DARS1: variants seen among roughly 807,000 people sequenced by gnomAD.
DARS1 encodes aspartate--tRNA ligase, cytoplasmic.
A neutral mutation model predicts 68.8 loss-of-function variants in DARS1; 51 were observed. The observed-to-expected ratio is 0.74, with a 90% CI of 0.59 to 0.94. The LOEUF is 0.94. Ranked by LOEUF, DARS1 falls within the 40% of genes least tolerant of loss-of-function variation. The pLI is 0.00. For synonymous variants in DARS1, 203 were observed against 190.4 expected (o/e 1.07, Z -0.55); for missense variants, 607 against 597.3 (o/e 1.02, Z -0.17).
At chr2:135,960,563 T>C (rs1186361483) in intron 4 of DARS1, among the ~76,000 whole-genome samples, 3 of 152,232 alleles carry the variant, frequency 2.0e-5, no homozygotes, top group African/African-American at 7.2e-5. Context: ...TTTACTCTGA[T>C]TGAATTCTTT....
At position 135,918,930 on chromosome 2, in the gene DARS1, C is replaced by T. The variant is rs1260757269; in HGVS notation, c.959+1523G>A. 2.6e-5 allele frequency among the ~76,000 whole-genome samples: 4 copies of T among 152,308 alleles called. No individual in the cohort carries two copies. The East Asian group carries it at 7.7e-4, about 29-fold the overall frequency. On this transcript the variant is annotated intron_variant, in intron 10 of 15. Transcript: ENST00000264161. ...GAACAAAGATATAAAAAGAAAAAGG[C>T]TGTCTGCAATTAACTAGCTATCAAA...
intron 7 of DARS1, among the ~76,000 whole-genome samples, chr2:135,925,455 G>A (rs1424442571): frequency 6.6e-6 from 1 of 152,054 alleles, no homozygotes; most frequent in Non-Finnish European, 1.5e-5. Flanking sequence ...CACCCCTTCT[G>A]CATTTACACA....
chr2:135,916,044 A>T (rs1575383271), intron 11 of DARS1, among the ~76,000 whole-genome samples, 182 bp downstream of exon 11: 1 of 152,312 alleles, frequency 6.6e-6, no homozygotes, highest in South Asian at 2.1e-4. Flanking sequence ...ATTTATTAAT[A>T]TTTTCATTTT....
chr2:135,923,095 A>C (rs1327736780), intron 8 of DARS1, among the ~76,000 whole-genome samples, 177 bp from the exon 9 acceptor site: 3 of 152,202 alleles, frequency 2.0e-5, no homozygotes, highest in Non-Finnish European at 4.4e-5. Flanking sequence ...TAAATAGTTT[A>C]TATTTAAACC....
At chr2:135,968,223 C>T (rs561322128) in intron 3 of DARS1, among the ~76,000 whole-genome samples, 1 of 152,270 alleles carries the variant, frequency 6.6e-6, no homozygotes, top group East Asian at 1.9e-4. Flanking sequence ...GAGATCATAT[C>T]ACTGCACTCC....
intron 5 of DARS1, among the ~76,000 whole-genome samples, chr2:135,937,887 C>T (rs571661710): frequency 7.9e-5 from 12 of 152,310 alleles, no homozygotes; most frequent in South Asian, 2.1e-4. Context: ...CTTCCCTTTG[C>T]GGGTAACCCG....
chr2:135,913,878 G>A (rs1680947744), intron 12 of DARS1, among the ~76,000 whole-genome samples: 1 of 152,108 alleles, frequency 6.6e-6, no homozygotes, highest in Admixed American at 6.5e-5. Context: ...GCATTTTAAA[G>A]GTATAAACTG....
In DARS1 at chr2:135,907,286, C is replaced by T; in HGVS notation, c.*30G>A. Reference sequence around the variant, plus strand: ...TGAGGCAGGGTCTCGCTCTGTCATCCACACTGGAGTTAAGTGGCAAAGTGT... The same window carrying T: ...TGAGGCAGGGTCTCGCTCTGTCATCTACACTGGAGTTAAGTGGCAAAGTGT... On this transcript the variant is annotated 3_prime_UTR_variant, in exon 16 of 16. Transcript: ENST00000264161. The T allele has an allele frequency of 7.9e-7, 1 of 1,267,854 alleles. No individual in the cohort carries two copies. Among genetic ancestry groups the T allele is most frequent in the Non-Finnish European group, 1.1e-6 (1 of 907,764 alleles). 78.5% of individuals were successfully genotyped at this position (1,267,854 alleles called of 1,614,324 possible).
chr2:135,952,110 G>A (rs575107222), intron 4 of DARS1, among the ~76,000 whole-genome samples: 1 of 152,162 alleles, frequency 6.6e-6, no homozygotes, highest in East Asian at 1.9e-4. Flanking sequence ...GCGTGGTGGT[G>A]GGCGCCTGTA....
At chr2:135,942,682 A>AAAAAT (rs536785339) in intron 5 of DARS1, among the ~76,000 whole-genome samples, 58 of 152,290 alleles carry the variant, frequency 3.8e-4, no homozygotes, top group African/African-American at 1.3e-3. Context: ...ATGGAAACTG[A>AAAAAT]AAAATAAAAT....
chr2:135,955,297 T>C (rs938262753), intron 4 of DARS1, among the ~76,000 whole-genome samples: 9 of 152,184 alleles, frequency 5.9e-5, no homozygotes, highest in Non-Finnish European at 8.8e-5. Flanking sequence ...AACCGATACA[T>C]TTTTTAGCTT....
chr2:135,942,386 C>G (rs1343176970), intron 5 of DARS1, among the ~76,000 whole-genome samples: 2 of 151,700 alleles, frequency 1.3e-5, no homozygotes, highest in African/African-American at 4.8e-5. Flanking sequence ...CCATCATTCT[C>G]AGCAAACTAT....
intron 1 of DARS1, 137 bp downstream of exon 1, chr2:135,985,266 C>T (rs993107128): frequency 1.4e-6 from 2 of 1,385,442 alleles, no homozygotes; most frequent in Non-Finnish European, 9.5e-7. Flanking sequence ...GGGCTCTAGG[C>T]GCCCGGACCC....
At chr2:135,950,214 A>G (rs999211700) in intron 4 of DARS1, among the ~76,000 whole-genome samples, 4 of 152,230 alleles carry the variant, frequency 2.6e-5, no homozygotes, top group African/African-American at 9.6e-5. Context: ...GGGCAGTAAC[A>G]TTCAAAATGG....
At chr2:135,960,517 C>A (rs1682076371) in intron 4 of DARS1, among the ~76,000 whole-genome samples, 2 of 152,006 alleles carry the variant, frequency 1.3e-5, no homozygotes, top group African/African-American at 4.8e-5. Flanking sequence ...ATCTAAAAAG[C>A]AAACATTTAA....
At chr2:135,969,223 T>G (rs1682309477) in intron 3 of DARS1, among the ~76,000 whole-genome samples, 1 of 152,178 alleles carries the variant, frequency 6.6e-6, no homozygotes, top group Non-Finnish European at 1.5e-5. Context: ...GAAACACTGT[T>G]AATTATTTTA....
In DARS1 at chr2:135,906,040, G is replaced by T. The variant is rs1317777356; in HGVS notation, c.*1276C>A. Among the ~76,000 whole-genome samples the T allele has an allele frequency of 6.6e-6, 1 of 152,044 alleles. No individual in the cohort carries two copies. The highest frequency in any genetic ancestry group is 1.5e-5 in the Non-Finnish European group (1 of 67,998). ...GTGGATTAAATTATGAAATACTTTT[G>T]GGGTGCCTTCTATATTTAAGGTATT... On this transcript the variant is annotated 3_prime_UTR_variant, in exon 16 of 16. Transcript: ENST00000264161.
Position 135,983,403 on chromosome 2 carries a change from T to C in DARS1, c.118A>G (p.Lys40Glu). The change falls in exon 2 of 16, where the codon AAA (lysine) becomes GAA (glutamate). Residue 40 changes from lysine (K) to glutamate (E), a missense_variant. Physicochemically the swap from Lys to Glu is moderately conservative, Grantham distance 56 (BLOSUM62 1). Coordinates refer to ENST00000264161, the MANE Select transcript of DARS1 (RefSeq NM_001349.4). Reference protein sequence around the residue: ...GISSMIQSQEKPDRVLVRVRD... With the variant: ...GISSMIQSQEEPDRVLVRVRD... ...CTGTCACATAGCTACTAACCTGGTT[T>C]TTCTTGTGATTGTATCATTGAAGAT... 8.7e-7 allele frequency: 1 copy of C among 1,151,672 alleles called. No homozygotes were observed. Among genetic ancestry groups the C allele is most frequent in the Non-Finnish European group, 1.3e-6 (1 of 764,918 alleles). The allele number at this position is 1,151,672 out of a possible 1,614,324, so 71.3% of individuals were successfully genotyped here. A position where few individuals can be genotyped will look rare whatever the true frequency, so the allele number is the denominator to read the frequency against.
intron 4 of DARS1, among the ~76,000 whole-genome samples, chr2:135,952,838 T>C (rs1681872608): frequency 2.0e-5 from 3 of 152,202 alleles, no homozygotes; most frequent in Non-Finnish European, 4.4e-5. Context: ...AATATTGGAG[T>C]GCAAATATGT....
Sources: gnomAD v4.1 joint callset for allele counts (sites outside exome capture counted in the v4.1 genomes callset) on GRCh38, gnomAD v4.1.1 for gene constraint, MANE v1.5 for transcripts, NCBI Gene and HGNC (gene_info 2026-07-23, HGNC 2026-07-21) for gene names.